PCDHA5: variants seen among roughly 807,000 people sequenced by gnomAD.
PCDHA5 encodes the protein protocadherin alpha-5.
PCDHA5 carries 43 observed loss-of-function variants against 61.6 expected under a neutral mutation model. The ratio of observed to expected loss-of-function variants is 0.70; its 90% CI spans 0.55 to 0.90. The LOEUF (loss-of-function observed/expected upper bound fraction) is 0.90, where lower values mean the gene tolerates loss of function less well. Among genes scored for constraint, PCDHA5 ranks in the 40% least tolerant of loss-of-function variants. The pLI, the probability that PCDHA5 is intolerant of heterozygous loss-of-function variation, is 0.00. For synonymous variants in PCDHA5, 627 were observed against 543.9 expected, an observed-to-expected ratio of 1.15 and a Z score of -2.13; for missense variants, 1,298 against 1,222.7, an observed-to-expected ratio of 1.06 and a Z score of -0.92.
At chr5:140,884,175 C>T in intron 1 of PCDHA5, 1 of 1,613,438 alleles carries the variant, frequency 6.2e-7, no homozygotes, top group Non-Finnish European at 8.5e-7. Context: ...ACGACGCGCC[C>T]TCTGGACGAG....
intron 1 of PCDHA5, among the ~76,000 whole-genome samples, chr5:140,939,692 A>T (rs2092437980): frequency 6.6e-6 from 1 of 152,222 alleles, no homozygotes; most frequent in African/African-American, 2.4e-5. Context: ...GTGTTGCTGG[A>T]CATTATCATT....
chr5:140,836,804 T>C, intron 1 of PCDHA5: 1 of 1,321,042 alleles, frequency 7.6e-7, no homozygotes, highest in East Asian at 2.4e-5. Flanking sequence ...CTCCTTAAAT[T>C]TTCTTTCATA....
At position 140,857,343 on chromosome 5, in the gene PCDHA5, C is replaced by T. The variant is rs565903992; in HGVS notation, c.2352+33216C>T. 68 of 1,598,512 alleles carry T rather than the reference C, an allele frequency of 4.3e-5. 8 individuals carry two copies. The South Asian group carries it at 4.3e-4, about 10-fold the overall frequency. On this transcript the variant is annotated intron_variant, in intron 1 of 3. Coordinates refer to ENST00000529859, the MANE Select transcript of PCDHA5 (RefSeq NM_018908.3). ...GTGACCGCGCGGGACGGGGGCTCGC[C>T]TCCGCTGTGGGCCACGGCCAGCGTG...
intron 1 of PCDHA5, chr5:140,869,034 T>C (rs1441426453): frequency 5.2e-6 from 8 of 1,527,468 alleles, no homozygotes. Flanking sequence ...ACGAGATTTT[T>C]AACCTGAAAC....
intron 1 of PCDHA5, among the ~76,000 whole-genome samples, chr5:140,837,794 A>C (rs1554136640): frequency 1.3e-5 from 2 of 151,558 alleles, no homozygotes; most frequent in African/African-American, 4.9e-5. Flanking sequence ...CTCCCATCTC[A>C]GCCTCTGGAG....
At chr5:140,853,340 G>A (rs1398968821) in intron 1 of PCDHA5, 1 of 983,496 alleles carries the variant, frequency 1.0e-6, no homozygotes, top group East Asian at 1.1e-4. Flanking sequence ...GAGGTCATTA[G>A]CAAACATGAA....
intron 1 of PCDHA5, among the ~76,000 whole-genome samples, chr5:140,937,163 G>A (rs1169573071): frequency 2.0e-5 from 3 of 150,028 alleles, no homozygotes; most frequent in East Asian, 4.0e-4. Flanking sequence ...TCAGCCTCCC[G>A]AGTAGCTGGG....
At chr5:140,967,939 C>T in intron 1 of PCDHA5, 1 of 1,614,188 alleles carries the variant, frequency 6.2e-7, no homozygotes, top group Non-Finnish European at 8.5e-7. Context: ...GTGTCAATGA[C>T]CAAGACTCAG....
chr5:140,871,699 C>A, intron 1 of PCDHA5: 1 of 891,286 alleles, frequency 1.1e-6, no homozygotes. Context: ...CTTCTTTAAC[C>A]AATAAATGTC....
rs563178599 is a variant in PCDHA5, at chr5:140,863,384, C to G, written c.2352+39257C>G. The G allele has an allele frequency of 5.4e-5, 56 of 1,044,914 alleles. No homozygotes were observed. In the South Asian group the frequency reaches 6.5e-4, roughly 12 times the overall value. The allele number at this position is 1,044,914 out of a possible 1,614,324, so 64.7% of individuals were successfully genotyped here. On this transcript the variant is annotated intron_variant, in intron 1 of 3. Coordinates refer to ENST00000529859, the MANE Select transcript of PCDHA5 (RefSeq NM_018908.3). ...TGCTTGGCGCAGCTCACCGAGAGCT[C>G]GTGCATGCCGGGCAAGCCCACGCTG... is the stretch of plus-strand genomic sequence containing the variant.
intron 1 of PCDHA5, chr5:140,830,094 C>A (rs1770810347): frequency 1.2e-6 from 2 of 1,613,470 alleles, no homozygotes; most frequent in Non-Finnish European, 8.5e-7. Flanking sequence ...GTTCTGGTGT[C>A]GCTGGTGGAG....
intron 1 of PCDHA5, among the ~76,000 whole-genome samples, chr5:140,906,517 TACTC>T (rs2072719927): frequency 2.0e-5 from 3 of 152,358 alleles, no homozygotes; most frequent in Admixed American, 6.5e-5. Context: ...AAGGAGGAAA[TACTC>T]ACGACAATTA....
intron 1 of PCDHA5, among the ~76,000 whole-genome samples, chr5:140,937,096 G>T (rs1173485186): frequency 4.1e-5 from 6 of 146,810 alleles, no homozygotes; most frequent in African/African-American, 1.5e-4. Context: ...GGAGTGCAGT[G>T]GCGCAGTCTC....
intron 1 of PCDHA5, among the ~76,000 whole-genome samples, chr5:140,938,703 T>A: frequency 6.6e-6 from 1 of 152,170 alleles, no homozygotes; most frequent in East Asian, 1.9e-4. Flanking sequence ...AAATATATGT[T>A]TATGATAGAA....
chr5:140,884,295 C>T, intron 1 of PCDHA5: 3 of 1,613,680 alleles, frequency 1.9e-6, no homozygotes, highest in South Asian at 2.2e-5. Context: ...GGCCAAGCGC[C>T]ACAGGCTTCG....
intron 1 of PCDHA5, chr5:140,969,516 A>G: frequency 1.4e-6 from 2 of 1,410,726 alleles, no homozygotes; most frequent in Non-Finnish European, 1.9e-6. Flanking sequence ...GCACTAAAGA[A>G]TTGTTTTATT....
intron 1 of PCDHA5, chr5:140,929,179 G>C: frequency 6.2e-7 from 1 of 1,614,104 alleles, no homozygotes. Context: ...TCTGGGACTT[G>C]GTTCTGATAA....
At chr5:140,827,617 C>G (rs2150148430) in intron 1 of PCDHA5, among the ~76,000 whole-genome samples, 1 of 152,176 alleles carries the variant, frequency 6.6e-6, no homozygotes, top group Non-Finnish European at 1.5e-5. Context: ...TTCTTTTCTA[C>G]CAAGAGTGTA....
rs2150174166 is a variant in PCDHA5, at chr5:140,829,768, C to A, written c.2352+5641C>A. ...TGCAGGTGTTCGTGCTGGACGAGAACGACAACGCGCCGGCGCTGCTGGCGC... is the reference window on the plus strand; with the variant it reads ...TGCAGGTGTTCGTGCTGGACGAGAAAGACAACGCGCCGGCGCTGCTGGCGC... On this transcript the variant is annotated intron_variant, in intron 1 of 3. Transcript: ENST00000529859. The A allele has an allele frequency of 3.1e-6, 5 of 1,613,766 alleles. No homozygotes were observed. The East Asian group carries it at 6.7e-5, about 22-fold the overall frequency.
Sources: allele counts gnomAD v4.1 joint callset (sites outside exome capture counted in the v4.1 genomes callset), GRCh38; gene constraint gnomAD v4.1.1; transcripts MANE v1.5; gene names NCBI Gene and HGNC (gene_info 2026-07-23, HGNC 2026-07-21).